Variants in PAMR1 observed in about 807,000 individuals in gnomAD.
PAMR1 encodes the protein peptidase domain containing associated with muscle regeneration 1.
PAMR1 carries 88 observed loss-of-function variants against 81.8 expected under a neutral mutation model. That is an observed-to-expected ratio of 1.08 (90% CI 0.91 to 1.28). PAMR1 has a LOEUF of 1.28. Among genes scored for constraint, PAMR1 ranks in the 50% most tolerant of loss-of-function variants. PAMR1 has a pLI of 0.00. For missense variants in PAMR1, 935 were observed against 919.7 expected (o/e 1.02, Z -0.21); for synonymous variants, 336 against 345.3 (o/e 0.97, Z 0.30).
intron 6 of PAMR1, among the ~76,000 whole-genome samples, chr11:35,457,631 C>A (rs1236649507): frequency 6.6e-6 from 1 of 152,132 alleles, no homozygotes; most frequent in Non-Finnish European, 1.5e-5. Context: ...AGGTTGGGTT[C>A]TCCTAGAAGC....
chr11:35,516,581 T>C (rs973055127), intron 1 of PAMR1, among the ~76,000 whole-genome samples: 10 of 152,160 alleles, frequency 6.6e-5, no homozygotes, highest in African/African-American at 2.2e-4. Flanking sequence ...AAAAACCGTG[T>C]TGCATGACAA....
At chr11:35,463,804 G>A (rs1856708715) in intron 6 of PAMR1, among the ~76,000 whole-genome samples, 1 of 152,194 alleles carries the variant, frequency 6.6e-6, no homozygotes, top group Admixed American at 6.5e-5. Flanking sequence ...TCCCATCGGA[G>A]GCTCTCACAC....
rs1356752489 is a variant in PAMR1 at position 35,494,225 on chromosome 11, T to C, written c.121A>G (p.Met41Val). Residue 41 changes from methionine to valine, a missense_variant, in exon 2 of 11, where the codon ATG becomes GTG. Physicochemically the swap from Met to Val is conservative, Grantham distance 21. Coordinates refer to ENST00000619888, the MANE Select transcript of PAMR1 (RefSeq NM_001001991.3). ...TCATATTCACAGCACTCCCGACACA[T>C]GATATTCCACTCTGCTCCAGGGCAG... The part of the protein sequence containing the change: ...EACPGAEWNI[M>V]CRECCEYDQI... 2 of 1,614,096 alleles carry C rather than the reference T, an allele frequency of 1.2e-6. No homozygotes were observed. Among genetic ancestry groups the C allele is most frequent in the East Asian group, 4.5e-5 (2 of 44,892 alleles).
At chr11:35,482,817 C>T (rs1008217875) in intron 3 of PAMR1, among the ~76,000 whole-genome samples, 2 of 152,162 alleles carry the variant, frequency 1.3e-5, no homozygotes, top group African/African-American at 4.8e-5. Context: ...GGAGTTCATT[C>T]ATGACTTGGC....
At chr11:35,480,227 C>T (rs1036060920) in intron 3 of PAMR1, among the ~76,000 whole-genome samples, 5 of 152,192 alleles carry the variant, frequency 3.3e-5, no homozygotes, top group Middle Eastern at 3.2e-3. Flanking sequence ...TTTAAAGCCC[C>T]TCCCCACCAC....
At chr11:35,461,787 A>G (rs1286149831) in intron 6 of PAMR1, among the ~76,000 whole-genome samples, 4 of 152,092 alleles carry the variant, frequency 2.6e-5, no homozygotes, top group Admixed American at 6.5e-5. Context: ...TAGGGAGGGT[A>G]AGTAGATGAG....
chr11:35,494,868 C>T (rs1850697148), intron 1 of PAMR1, among the ~76,000 whole-genome samples: 1 of 152,190 alleles, frequency 6.6e-6, no homozygotes, highest in African/African-American at 2.4e-5. Flanking sequence ...AATCAAGTTT[C>T]ATCAATATAT....
chr11:35,525,666 AG>A, upstream of PAMR1: 1 of 1,217,082 alleles, frequency 8.2e-7, no homozygotes, highest in Non-Finnish European at 1.2e-6. Context: ...CGGGTTTTAC[AG>A]GGACCTCCCC....
intron 6 of PAMR1, among the ~76,000 whole-genome samples, chr11:35,467,446 T>C (rs140323339): frequency 6.6e-6 from 1 of 152,366 alleles, no homozygotes; most frequent in East Asian, 1.9e-4. Flanking sequence ...GTTTTCGGTC[T>C]GGTAACCAAG....
In PAMR1 at chr11:35,468,095, G is replaced by T; in HGVS notation, c.726C>A (p.Ser242=). The T allele has an allele frequency of 6.4e-7, 1 of 1,552,224 alleles. No homozygotes were observed. Among genetic ancestry groups the T allele is most frequent in the African/African-American group, 1.4e-5 (1 of 73,326 alleles). ...IYEEITACSS[S]PCFHDGTCVL... ...CGCACGTGCCGTCATGGAAACAAGG[G>T]GATGAGGAGCATGCTGTAAGAGAAA... Residue 242 remains serine, a synonymous_variant, in exon 6 of 11, where the codon TCC becomes TCA. Coordinates refer to ENST00000619888, the MANE Select transcript of PAMR1 (RefSeq NM_001001991.3).
At chr11:35,473,274 C>G (rs975064691) in intron 4 of PAMR1, among the ~76,000 whole-genome samples, 1 of 152,138 alleles carries the variant, frequency 6.6e-6, no homozygotes, top group African/African-American at 2.4e-5. Flanking sequence ...GAAAAGAAAT[C>G]CACACATTTC....
intron 3 of PAMR1, 113 bp from the exon 4 acceptor site, chr11:35,474,857 T>C: frequency 3.0e-6 from 2 of 663,206 alleles, no homozygotes; most frequent in Admixed American, 6.5e-5. Context: ...ACAGGATGAA[T>C]AGGGAAAAGG....
chr11:35,513,024 G>A (rs1851100973), intron 1 of PAMR1, among the ~76,000 whole-genome samples: 1 of 152,150 alleles, frequency 6.6e-6, no homozygotes, highest in East Asian at 1.9e-4. Flanking sequence ...GTGGCGAGCA[G>A]GATGCTCAGT....
At chr11:35,467,882 T>C in intron 6 of PAMR1, 119 bp downstream of exon 6, 1 of 609,150 alleles carries the variant, frequency 1.6e-6, no homozygotes, top group Non-Finnish European at 3.0e-6. Flanking sequence ...ATCCACACTG[T>C]GCACCATCTT....
intron 5 of PAMR1, among the ~76,000 whole-genome samples, chr11:35,468,690 T>A (rs1262031183): frequency 6.6e-6 from 1 of 151,030 alleles, no homozygotes; most frequent in East Asian, 1.9e-4. Flanking sequence ...ATTTCTTTAC[T>A]GCAGAACTTC....
intron 3 of PAMR1, among the ~76,000 whole-genome samples, chr11:35,476,842 C>G (rs2135384726): frequency 6.6e-6 from 1 of 152,078 alleles, no homozygotes; most frequent in South Asian, 2.1e-4. Flanking sequence ...GTCTCACATA[C>G]CACTCATCTG....
At position 35,441,527 on chromosome 11, in the gene PAMR1, G is replaced by C. The variant is rs770476180; in HGVS notation, c.987C>G (p.Cys329Trp). ...YVLSGNEKRT[C>W]QQNGEWSGKQ... ...TCCCTGACCACTCTCCATTCTGCTG[G>C]CAAGTTCTTTTCTCATTGCCACTAA... The change falls in exon 7 of 11, where the codon TGC (cysteine) becomes TGG (tryptophan). Residue 329 changes from cysteine to tryptophan, a missense_variant. By Grantham distance (215) the Cys-to-Trp change is radical. Transcript: ENST00000619888. 6 of 1,613,528 alleles carry C rather than the reference G, an allele frequency of 3.7e-6. No individual in the cohort carries two copies. In the East Asian group the frequency reaches 1.3e-4, roughly 36 times the overall value.
intron 3 of PAMR1, among the ~76,000 whole-genome samples, chr11:35,481,597 A>G (rs1179938161): frequency 6.6e-6 from 1 of 152,088 alleles, no homozygotes; most frequent in Non-Finnish European, 1.5e-5. Context: ...ACCTCGGCTC[A>G]CTGCAACCTC....
rs374331471 is a variant in PAMR1 at position 35,486,490 on chromosome 11, T to G, written c.379+5555A>C. Among the ~76,000 whole-genome samples the G allele has an allele frequency of 4.2e-4, 64 of 152,340 alleles. 1 individual carries two copies. The South Asian group carries it at 0.013, about 32-fold the overall frequency. On this transcript the variant is annotated intron_variant, in intron 3 of 10. Coordinates refer to ENST00000619888, the MANE Select transcript of PAMR1 (RefSeq NM_001001991.3). ...ATTCAAGAAATATCTTTTGACTGGA[T>G]GGGTAGATTAATGCACGAAGGTGTG...
Sources: gnomAD v4.1 joint callset for allele counts (sites outside exome capture counted in the v4.1 genomes callset) on GRCh38, gnomAD v4.1.1 for gene constraint, MANE v1.5 for transcripts, NCBI Gene and HGNC (gene_info 2026-07-23, HGNC 2026-07-21) for gene names.